Variants in ATM observed in about 807,000 individuals in gnomAD.
ATM encodes ATM serine/threonine kinase.
In ATM, 308 loss-of-function variants were observed where a neutral mutation model predicts 387.0. The observed-to-expected ratio is 0.80, with a 90% CI of 0.73 to 0.87. The LOEUF (loss-of-function observed/expected upper bound fraction) is 0.87, where lower values mean the gene tolerates loss of function less well. ATM is among the 40% of genes least tolerant of loss of function. The pLI is 0.00. For synonymous variants in ATM, 1,156 were observed against 1,187.3 expected, an observed-to-expected ratio of 0.97 and a Z score of 0.54; for missense variants, 3,312 against 3,560.9, an observed-to-expected ratio of 0.93 and a Z score of 1.78.
rs372552946 is a variant in ATM at position 108,343,384 on chromosome 11, C to G, written c.8418+13C>G. Reference sequence around the variant, plus strand: ...AAAGAAAATGATGGTGAGTGACACCCAAAATTAAAGGTTATTGTAAGATTA... The same window carrying G: ...AAAGAAAATGATGGTGAGTGACACCGAAAATTAAAGGTTATTGTAAGATTA... On this transcript the variant is annotated intron_variant, in intron 57 of 62. Transcript: ENST00000675843. The G allele has an allele frequency of 6.2e-7, 1 of 1,613,142 alleles. No individual in the cohort carries two copies. The highest frequency in any genetic ancestry group is 1.7e-5 in the Admixed American group (1 of 59,916).
chr11:108,243,798 A>G (rs1469647360), intron 5 of ATM, among the ~76,000 whole-genome samples, 155 bp from the exon 6 acceptor site: 1 of 152,150 alleles, frequency 6.6e-6, no homozygotes, highest in Non-Finnish European at 1.5e-5. Context: ...AAAATTAAAT[A>G]CTGATGGAGT....
chr11:108,323,680 T>A (rs1452550763), intron 45 of ATM, among the ~76,000 whole-genome samples: 1 of 152,178 alleles, frequency 6.6e-6, no homozygotes, highest in African/African-American at 2.4e-5. Context: ...TGTACAACTA[T>A]TATGTATCCA....
At chr11:108,260,603 C>T (rs1265900574) in intron 16 of ATM, among the ~76,000 whole-genome samples, 5 of 152,180 alleles carry the variant, frequency 3.3e-5, no homozygotes, top group Non-Finnish European at 1.5e-5. Flanking sequence ...TGTTACAAAA[C>T]TTCTTAATAT....
intron 16 of ATM, among the ~76,000 whole-genome samples, chr11:108,265,929 A>G (rs1482885967): frequency 4.0e-5 from 6 of 148,232 alleles, no homozygotes; most frequent in Non-Finnish European, 9.0e-5. Flanking sequence ...CAAAACCACA[A>G]TGAGATACCA....
In ATM at chr11:108,360,602, T is replaced by A. The variant is rs190072882; in HGVS notation, c.8851-4480T>A. 1.6e-3 allele frequency among the ~76,000 whole-genome samples: 240 copies of A among 149,502 alleles called. 1 individual carries two copies. Among genetic ancestry groups the A allele is most frequent in the Non-Finnish European group, 2.8e-3 (191 of 67,566 alleles). ...ACATCCAAAAGCTTATCCACCATGA[T>A]CCAGTGGGCTTCATCCCTGGGATTC... On this transcript the variant is annotated intron_variant, in intron 61 of 62. Transcript: ENST00000675843.
chr11:108,360,919 TC>T (rs2090655832), intron 61 of ATM, among the ~76,000 whole-genome samples: 1 of 105,370 alleles, frequency 9.5e-6, no homozygotes, highest in African/African-American at 4.0e-5. Context: ...CCACTCCTAT[TC>T]AACATAGTGT....
Position 108,359,943 on chromosome 11 carries a change from A to G in ATM, c.8850+5069A>G, listed in dbSNP as rs926809526. 9.7e-4 allele frequency among the ~76,000 whole-genome samples: 148 copies of G among 152,094 alleles called. 1 individual carries two copies. Among genetic ancestry groups the G allele is most frequent in the Non-Finnish European group, 1.0e-3 (69 of 67,930 alleles). ...TTAGCAGAAGGCAAGAAATAACTAAAATCAGAGCAGAACTGAAGGAAATAG... is the reference window on the plus strand; with the variant it reads ...TTAGCAGAAGGCAAGAAATAACTAAGATCAGAGCAGAACTGAAGGAAATAG... On this transcript the variant is annotated intron_variant, in intron 61 of 62. Coordinates refer to ENST00000675843, the MANE Select transcript of ATM (RefSeq NM_000051.4).
chr11:108,344,208 G>A (rs2087984652), intron 57 of ATM, among the ~76,000 whole-genome samples: 1 of 152,178 alleles, frequency 6.6e-6, no homozygotes, highest in African/African-American at 2.4e-5. Flanking sequence ...ACAGGGTACA[G>A]TGTAGGTATG....
intron 26 of ATM, among the ~76,000 whole-genome samples, chr11:108,286,639 G>A (rs2082508266): frequency 6.6e-6 from 1 of 152,142 alleles, no homozygotes; most frequent in Non-Finnish European, 1.5e-5. Flanking sequence ...GGGTTGCAAA[G>A]GGAGTAGCCT....
chr11:108,322,007 G>A (rs2085269409), intron 45 of ATM, among the ~76,000 whole-genome samples: 1 of 152,058 alleles, frequency 6.6e-6, no homozygotes, highest in Admixed American at 6.5e-5. Context: ...TTTTTGCATA[G>A]CATGATAACA....
intron 24 of ATM, among the ~76,000 whole-genome samples, chr11:108,281,665 C>T (rs942613499): frequency 6.6e-6 from 1 of 152,196 alleles, no homozygotes. Flanking sequence ...GTCTCTTTTC[C>T]ATCACCTCAG....
Position 108,234,923 on chromosome 11 carries a change from A to G in ATM, c.332-747A>G, listed in dbSNP as rs529629883. ...AGAACTAATTTTGCTTTCCAAGGTA[A>G]ATATTCTCCTTGTAATCTTATGTTA... On this transcript the variant is annotated intron_variant, in intron 4 of 62. Transcript: ENST00000675843. Among the ~76,000 whole-genome samples the G allele has an allele frequency of 4.6e-5, 7 of 152,256 alleles. No homozygotes were observed. The East Asian group carries it at 1.3e-3, about 29-fold the overall frequency.
intron 12 of ATM, among the ~76,000 whole-genome samples, chr11:108,253,416 G>A (rs534208497): frequency 7.9e-5 from 12 of 152,164 alleles, no homozygotes; most frequent in Admixed American, 2.0e-4. Flanking sequence ...AAAAGGATGC[G>A]TAACTGCTTA....
In ATM at chr11:108,244,833, T is replaced by TA. The variant is rs2079758064; in HGVS notation, c.709dup (p.Thr237AsnfsTer17). The TA allele has an allele frequency of 6.2e-7, 1 of 1,613,916 alleles. No individual in the cohort carries two copies. Among genetic ancestry groups the TA allele is most frequent in the Non-Finnish European group, 8.5e-7 (1 of 1,179,910 alleles). On this transcript the variant is annotated frameshift_variant, in exon 7 of 63. Coordinates refer to ENST00000675843, the MANE Select transcript of ATM (RefSeq NM_000051.4). LOFTEE classifies it high-confidence loss of function. Reference sequence around the variant, plus strand: ...GTCTAAATCATATCTTAGCAGCTCTTACTATCTTCCTCAAGACTTTGGCTG... The same window carrying TA: ...GTCTAAATCATATCTTAGCAGCTCTTAACTATCTTCCTCAAGACTTTGGCTG...
At chr11:108,354,738 A>C (rs947222695) in intron 60 of ATM, 73 bp from the exon 61 acceptor site, 16 of 1,245,692 alleles carry the variant, frequency 1.3e-5, no homozygotes, top group Non-Finnish European at 1.7e-5. Context: ...TACACATGAG[A>C]GTATACAGAT....
chr11:108,350,982 ATAATAGCCCC>A (rs2137198362), intron 59 of ATM, among the ~76,000 whole-genome samples: 1 of 152,346 alleles, frequency 6.6e-6, no homozygotes, highest in South Asian at 2.1e-4. Context: ...AGCATTATTC[ATAATAGCCCC>A]TAACTGGAAA....
At chr11:108,318,781 C>T (rs1292003109) in intron 43 of ATM, among the ~76,000 whole-genome samples, 1 of 151,994 alleles carries the variant, frequency 6.6e-6, no homozygotes. Flanking sequence ...AAGCCAAGCA[C>T]CTAATCTAAT....
chr11:108,277,266 G>A (rs1021991400), intron 22 of ATM, among the ~76,000 whole-genome samples: 2 of 152,138 alleles, frequency 1.3e-5, no homozygotes, highest in African/African-American at 4.8e-5. Flanking sequence ...TGCTGGCAGC[G>A]AGAATTTCAA....
In ATM at chr11:108,281,559, G is replaced by A. The variant is rs543476001; in HGVS notation, c.3576+391G>A. On this transcript the variant is annotated intron_variant, in intron 24 of 62. Coordinates refer to ENST00000675843, the MANE Select transcript of ATM (RefSeq NM_000051.4). ...GCAGGGCCAGAAGTCAAATTTTAGAGCTATCAGGCTTTTAAGTTCAGTTAT... is the reference window on the plus strand; with the variant it reads ...GCAGGGCCAGAAGTCAAATTTTAGAACTATCAGGCTTTTAAGTTCAGTTAT... Among the ~76,000 whole-genome samples the A allele has an allele frequency of 3.3e-5, 5 of 152,302 alleles. No individual in the cohort carries two copies. The South Asian group carries it at 1.0e-3, about 32-fold the overall frequency.
Sources: gnomAD v4.1 joint callset for allele counts (sites outside exome capture counted in the v4.1 genomes callset) on GRCh38, gnomAD v4.1.1 for gene constraint, MANE v1.5 for transcripts, NCBI Gene and HGNC (gene_info 2026-07-23, HGNC 2026-07-21) for gene names.